Variants in ATP10B observed in about 807,000 individuals in gnomAD.
The protein encoded by ATP10B is ATPase phospholipid transporting 10B (putative), also known as phospholipid-transporting ATPase VB.
In ATP10B, 122 loss-of-function variants were observed where a neutral mutation model predicts 141.2. The ratio of observed to expected loss-of-function variants is 0.86; its 90% CI spans 0.75 to 1.00. The LOEUF is 1.00. Among genes scored for constraint, ATP10B ranks in the 50% least tolerant of loss-of-function variants. The pLI is 0.00. For synonymous variants in ATP10B, 685 were observed against 692.0 expected (o/e 0.99, Z 0.16); for missense variants, 1,876 against 1,825.3 (o/e 1.03, Z -0.51).
At position 160,791,755 on chromosome 5, in the gene ATP10B, A is replaced by C. The variant is rs773246654; in HGVS notation, c.-575-5952T>G. On this transcript the variant is annotated intron_variant, in intron 1 of 25. Transcript: ENST00000327245. Reference sequence around the variant, plus strand: ...TCATTGGCCAAAACTTGGTCACGGGATCACATATGGCTCTATAGAAGGCTA... The same window carrying C: ...TCATTGGCCAAAACTTGGTCACGGGCTCACATATGGCTCTATAGAAGGCTA... 3.2e-4 allele frequency among the ~76,000 whole-genome samples: 49 copies of C among 152,300 alleles called. 1 individual carries two copies. Among genetic ancestry groups the C allele is most frequent in the Middle Eastern group, 3.4e-3 (1 of 294 alleles).
chr5:160,902,372 C>T, the ATP10B span, among the ~76,000 whole-genome samples: 2 of 152,126 alleles, frequency 1.3e-5, no homozygotes, highest in Non-Finnish European at 2.9e-5. Context: ...AATTAATTTG[C>T]TATATGACCT....
chr5:160,751,684 T>C (rs1768158517), intron 2 of ATP10B, among the ~76,000 whole-genome samples: 1 of 152,106 alleles, frequency 6.6e-6, no homozygotes, highest in Non-Finnish European at 1.5e-5. Context: ...CTGGGGCCAT[T>C]TCCTTGTCCA....
At chr5:160,681,014 G>A (rs2127738614) in intron 6 of ATP10B, among the ~76,000 whole-genome samples, 1 of 152,302 alleles carries the variant, frequency 6.6e-6, no homozygotes, top group African/African-American at 2.4e-5. Context: ...ACTGAGGAGG[G>A]CTGAATGAAA....
chr5:160,617,474 C>T (rs1031097559), intron 16 of ATP10B, among the ~76,000 whole-genome samples: 4 of 152,140 alleles, frequency 2.6e-5, no homozygotes, highest in African/African-American at 7.2e-5. Flanking sequence ...TGGCCAGATC[C>T]TCTACATTTT....
chr5:160,630,154 T>C (rs1468286905), intron 13 of ATP10B, among the ~76,000 whole-genome samples: 5 of 152,208 alleles, frequency 3.3e-5, no homozygotes, highest in Admixed American at 2.0e-4. Context: ...AAAGAACATA[T>C]CACCATCTTC....
At chr5:160,652,693 AAAT>A (rs1460551937) in intron 7 of ATP10B, among the ~76,000 whole-genome samples, 11 of 130,152 alleles carry the variant, frequency 8.5e-5, no homozygotes, top group South Asian at 4.5e-4. Flanking sequence ...ACATATGTAT[AAAT>A]AATATATACA....
intron 3 of ATP10B, among the ~76,000 whole-genome samples, chr5:160,699,903 AT>A (rs1764581489): frequency 6.6e-6 from 1 of 152,114 alleles, no homozygotes; most frequent in Non-Finnish European, 1.5e-5. Context: ...AAATATTATA[AT>A]ATAATATAAT....
intron 2 of ATP10B, among the ~76,000 whole-genome samples, chr5:160,761,972 A>G (rs761870136): frequency 6.6e-6 from 1 of 152,236 alleles, no homozygotes; most frequent in Non-Finnish European, 1.5e-5. Flanking sequence ...AAGTAGAAGA[A>G]AAAACTTCAG....
intron 1 of ATP10B, among the ~76,000 whole-genome samples, chr5:160,788,586 C>A (rs550358221): frequency 3.3e-5 from 5 of 152,224 alleles, no homozygotes; most frequent in African/African-American, 9.6e-5. Context: ...GGGAGAGAGT[C>A]CAGAGGGTGG....
intron 1 of ATP10B, among the ~76,000 whole-genome samples, chr5:160,850,252 A>G (rs750472844): frequency 5.3e-5 from 8 of 152,068 alleles, no homozygotes; most frequent in Non-Finnish European, 1.0e-4. Context: ...CTAAAAAACA[A>G]AAAACAAAAA....
upstream of ATP10B, among the ~76,000 whole-genome samples, chr5:160,854,299 C>T (rs1273945157): frequency 6.6e-6 from 1 of 152,054 alleles, no homozygotes; most frequent in African/African-American, 2.4e-5. Context: ...CTACATTTGG[C>T]ATTTCTCCTA....
At chr5:160,831,945 A>G (rs1561905307) in intron 1 of ATP10B, among the ~76,000 whole-genome samples, 1 of 152,122 alleles carries the variant, frequency 6.6e-6, no homozygotes, top group African/African-American at 2.4e-5. Context: ...AGTAAAGTAT[A>G]CTGGAATTTC....
chr5:160,768,733 A>AGGGT (rs1474725432), intron 2 of ATP10B, among the ~76,000 whole-genome samples: 1 of 152,208 alleles, frequency 6.6e-6, no homozygotes, highest in African/African-American at 2.4e-5. Context: ...CAAGTTACCC[A>AGGGT]GGGTGGGCCC....
intron 2 of ATP10B, among the ~76,000 whole-genome samples, chr5:160,784,732 C>A (rs750999939): frequency 1.3e-5 from 2 of 152,060 alleles, no homozygotes; most frequent in African/African-American, 4.8e-5. Context: ...GCTTTCTCTG[C>A]CATGATGGAG....
At chr5:160,575,339 C>G (rs916940423) in intron 24 of ATP10B, among the ~76,000 whole-genome samples, 1 of 152,172 alleles carries the variant, frequency 6.6e-6, no homozygotes, top group African/African-American at 2.4e-5. Flanking sequence ...TCCTTAGTCT[C>G]CTTTAATCTG....
chr5:160,845,939 A>G (rs1342668074), intron 1 of ATP10B, among the ~76,000 whole-genome samples: 3 of 152,238 alleles, frequency 2.0e-5, no homozygotes, highest in Non-Finnish European at 2.9e-5. Flanking sequence ...CCCAAGTACT[A>G]TTGTTTTTAT....
the ATP10B span, among the ~76,000 whole-genome samples, chr5:160,913,531 G>A: frequency 1.3e-5 from 2 of 152,014 alleles, no homozygotes; most frequent in Admixed American, 6.6e-5. Flanking sequence ...TCGTTATCCC[G>A]TCCATCCATT....
chr5:160,837,467 C>A (rs1775520350), intron 1 of ATP10B, among the ~76,000 whole-genome samples: 1 of 152,090 alleles, frequency 6.6e-6, no homozygotes, highest in Non-Finnish European at 1.5e-5. Flanking sequence ...TAGTATTTTT[C>A]TTCCTAAAAT....
At chr5:160,617,714 TC>T in intron 16 of ATP10B, 149 bp downstream of exon 16, 1 of 681,026 alleles carries the variant, frequency 1.5e-6, no homozygotes, top group Non-Finnish European at 2.4e-6. Flanking sequence ...ATTGTCAGTG[TC>T]TTGGGTTTTT....
Sources: allele counts gnomAD v4.1 joint callset (sites outside exome capture counted in the v4.1 genomes callset), GRCh38; gene constraint gnomAD v4.1.1; transcripts MANE v1.5; gene names NCBI Gene and HGNC (gene_info 2026-07-23, HGNC 2026-07-21).